Variants in ASAP1 observed in about 807,000 individuals in gnomAD.
ASAP1 encodes the protein arf-GAP with SH3 domain, ANK repeat and PH domain-containing protein 1.
A neutral mutation model predicts 145.2 loss-of-function variants in ASAP1; 43 were observed. The observed-to-expected ratio is 0.30, with a 90% CI of 0.23 to 0.38. The LOEUF is 0.38. ASAP1 is among the 10% of genes least tolerant of loss of function. The pLI, the probability that ASAP1 is intolerant of heterozygous loss-of-function variation, is 1.00. For missense variants in ASAP1, 1,018 were observed against 1,355.3 expected (o/e 0.75, Z 3.91); for synonymous variants, 546 against 515.5 (o/e 1.06, Z -0.80).
At chr8:130,351,856 T>C (rs1269389119) in intron 3 of ASAP1, among the ~76,000 whole-genome samples, 1 of 152,154 alleles carries the variant, frequency 6.6e-6, no homozygotes, top group African/African-American at 2.4e-5. Flanking sequence ...ATCCAAACCA[T>C]ATCAGGACCA....
chr8:130,428,664 C>T (rs1174889546), intron 1 of ASAP1, among the ~76,000 whole-genome samples: 1 of 148,566 alleles, frequency 6.7e-6, no homozygotes, highest in Non-Finnish European at 1.5e-5. Context: ...TCACCATCCC[C>T]CCACCATCAT....
intron 1 of ASAP1, among the ~76,000 whole-genome samples, chr8:130,423,420 T>TA (rs1405228549): frequency 1.3e-5 from 2 of 152,200 alleles, no homozygotes; most frequent in African/African-American, 4.8e-5. Context: ...GGCTTGGTAA[T>TA]ATGTACAACA....
chr8:130,223,045 A>G (rs1182256428), intron 4 of ASAP1, among the ~76,000 whole-genome samples: 1 of 152,198 alleles, frequency 6.6e-6, no homozygotes, highest in Non-Finnish European at 1.5e-5. Flanking sequence ...GTCTAATAAC[A>G]TCTGCCCTGC....
chr8:130,271,549 C>T (rs1350565020), intron 3 of ASAP1, among the ~76,000 whole-genome samples: 2 of 152,200 alleles, frequency 1.3e-5, no homozygotes, highest in Admixed American at 1.3e-4. Flanking sequence ...ATTCAGCTAA[C>T]TTTGCAAATT....
intron 1 of ASAP1, among the ~76,000 whole-genome samples, chr8:130,439,366 T>C (rs1030241876): frequency 2.6e-5 from 4 of 152,190 alleles, no homozygotes. Context: ...TTGTATGATG[T>C]AAACCACTAA....
chr8:130,289,770 CT>C (rs539501875), intron 3 of ASAP1, among the ~76,000 whole-genome samples: 224 of 152,310 alleles, frequency 1.5e-3, no homozygotes, highest in Non-Finnish European at 2.6e-3. Context: ...AGAATTCATA[CT>C]TTTGTAGATT....
chr8:130,397,287 C>T (rs921029442), intron 2 of ASAP1, among the ~76,000 whole-genome samples: 8 of 152,030 alleles, frequency 5.3e-5, no homozygotes, highest in Admixed American at 5.2e-4. Context: ...ACTACAGGCG[C>T]CCACCACCAT....
chr8:130,218,616 T>C (rs77118745), intron 4 of ASAP1, among the ~76,000 whole-genome samples: 2,443 of 152,294 alleles, frequency 0.016, 36 homozygotes, highest in East Asian at 0.064. Context: ...AGACAGGCCA[T>C]AGGAAGAAGG....
chr8:130,380,101 T>C (rs1186817917), intron 2 of ASAP1, among the ~76,000 whole-genome samples: 3 of 152,122 alleles, frequency 2.0e-5, no homozygotes, highest in Non-Finnish European at 2.9e-5. Flanking sequence ...AGGTCTCAGG[T>C]TGGGTTCCCC....
At chr8:130,142,667 T>TG (rs1586427245) in intron 13 of ASAP1, among the ~76,000 whole-genome samples, 2 of 152,054 alleles carry the variant, frequency 1.3e-5, no homozygotes, top group South Asian at 4.1e-4. Flanking sequence ...AGAGAGGACT[T>TG]GGAGGAGGGA....
Position 130,091,304 on chromosome 8 carries a change from G to C in ASAP1, c.2572+669C>G, listed in dbSNP as rs572129479. On this transcript the variant is annotated intron_variant, in intron 25 of 29. Coordinates refer to ENST00000518721, the MANE Select transcript of ASAP1 (RefSeq NM_018482.4). ...TGTTTGGGGGAAAACAGGTAGGGAG[G>C]AAGCTGCGTTGGAGGGCGGGGGAGA... 2.6e-5 allele frequency among the ~76,000 whole-genome samples: 4 copies of C among 152,312 alleles called. No individual in the cohort carries two copies. The South Asian group carries it at 8.3e-4, about 32-fold the overall frequency.
At chr8:130,080,108 A>G in intron 25 of ASAP1, 137 bp from the exon 26 acceptor site, 1 of 740,168 alleles carries the variant, frequency 1.4e-6, no homozygotes, top group Admixed American at 2.4e-5. Flanking sequence ...AACGGCATGC[A>G]TTTCTGGCCT....
At chr8:130,238,836 G>C (rs973431856) in intron 3 of ASAP1, among the ~76,000 whole-genome samples, 2 of 152,048 alleles carry the variant, frequency 1.3e-5, no homozygotes, top group Admixed American at 6.6e-5. Flanking sequence ...ATCCCAAAGT[G>C]TATGCTTTCT....
rs111228099 is a variant in ASAP1 at position 130,332,974 on chromosome 8, A to G, written c.186+25043T>C. Reference sequence around the variant, plus strand: ...CAACTTATCTAAGGAAATTCTATTCACATTACAGAAAGAACTAGCAGCAGC... The same window carrying G: ...CAACTTATCTAAGGAAATTCTATTCGCATTACAGAAAGAACTAGCAGCAGC... On this transcript the variant is annotated intron_variant, in intron 3 of 29. Coordinates refer to ENST00000518721, the MANE Select transcript of ASAP1 (RefSeq NM_018482.4). Among the ~76,000 whole-genome samples the G allele has an allele frequency of 2.7e-3, 417 of 152,264 alleles. 1 individual carries two copies. The highest frequency in any genetic ancestry group is 6.8e-3 in the Middle Eastern group (2 of 294).
rs1361496159 is a variant in ASAP1, at chr8:130,107,180, CTTCTTTTT to C, written c.2401+4906_2401+4913del. On this transcript the variant is annotated intron_variant, in intron 24 of 29. Coordinates refer to ENST00000518721, the MANE Select transcript of ASAP1 (RefSeq NM_018482.4). Reference sequence around the variant, plus strand: ...GAAGAACTATAGTCTCTCTCTTCTTCTTCTTTTTTTTTTTTTTTTTGAGACGGAGTCTC... The same window carrying C: ...GAAGAACTATAGTCTCTCTCTTCTTCTTTTTTTTTTTTGAGACGGAGTCTC... 1.7e-3 allele frequency among the ~76,000 whole-genome samples: 188 copies of C among 113,870 alleles called. 2 individuals carry two copies. The highest frequency in any genetic ancestry group is 6.0e-3 in the African/African-American group (180 of 30,062). The allele number at this position is 113,870 out of a possible 152,430, so 74.7% of individuals were successfully genotyped here. A position where few individuals can be genotyped will look rare whatever the true frequency, so the allele number is the denominator to read the frequency against.
At chr8:130,217,809 CA>C (rs1177586071) in intron 4 of ASAP1, among the ~76,000 whole-genome samples, 1 of 152,124 alleles carries the variant, frequency 6.6e-6, no homozygotes, top group Non-Finnish European at 1.5e-5. Flanking sequence ...AAACACACCT[CA>C]ATAAGTGCAT....
chr8:130,179,495 G>C (rs1306266046), intron 8 of ASAP1, 146 bp from the exon 9 acceptor site: 1 of 531,526 alleles, frequency 1.9e-6, no homozygotes, highest in Non-Finnish European at 3.4e-6. Context: ...TGCTGATTTC[G>C]CAGTCACAAA....
At chr8:130,325,379 C>T (rs183381210) in intron 3 of ASAP1, among the ~76,000 whole-genome samples, 1 of 152,316 alleles carries the variant, frequency 6.6e-6, no homozygotes, top group East Asian at 1.9e-4. Flanking sequence ...AAGACCAGTG[C>T]TACACTATGC....
intron 12 of ASAP1, among the ~76,000 whole-genome samples, chr8:130,156,124 T>TA (rs550304991): frequency 2.0e-5 from 3 of 152,336 alleles, no homozygotes; most frequent in South Asian, 4.1e-4. Context: ...CATAAAGTTT[T>TA]AAAAAATTAT....
Sources: gnomAD v4.1 joint callset for allele counts (sites outside exome capture counted in the v4.1 genomes callset) on GRCh38, gnomAD v4.1.1 for gene constraint, MANE v1.5 for transcripts, NCBI Gene and HGNC (gene_info 2026-07-23, HGNC 2026-07-21) for gene names.